WSCD2: variants seen among roughly 807,000 people sequenced by gnomAD.
The protein encoded by WSCD2 is sialate:O-sulfotransferase 2.
A neutral mutation model predicts 55.7 loss-of-function variants in WSCD2; 28 were observed. The observed-to-expected ratio is 0.50, with a 90% confidence interval of 0.37 to 0.69. The LOEUF (loss-of-function observed/expected upper bound fraction) is 0.69. Among genes scored for constraint, WSCD2 ranks in the 30% least tolerant of loss-of-function variants. WSCD2 has a pLI of 0.00. For missense variants in WSCD2, 616 were observed against 762.1 expected (o/e 0.81, Z 2.26); for synonymous variants, 301 against 301.9 (o/e 1.00, Z 0.03).
chr12:108,226,998 G>A lies in WSCD2; in HGVS notation c.813G>A (p.Pro271=), dbSNP rs760590143. 4.0e-5 allele frequency: 64 copies of A among 1,613,196 alleles called. No individual in the cohort carries two copies. The highest frequency in any genetic ancestry group is 5.2e-5 in the Non-Finnish European group (61 of 1,179,702). Residue 271 remains proline (P), a synonymous_variant, in exon 6 of 9, where the codon CCG becomes CCA. Transcript: ENST00000547525. ...CVDFCTEKEY[P]LAALAGTACH... ...TCCCACTCCATCCCCAGGAGTACCC[G>A]CTGGCAGCTCTTGCAGGCACCGCCT...
chr12:108,196,816 C>A (rs2137052035), intron 2 of WSCD2: 1 of 152,540 alleles, frequency 6.6e-6, no homozygotes, highest in African/African-American at 2.4e-5. Flanking sequence ...CATTTATAAT[C>A]TAAAAAGGCT....
intron 5 of WSCD2, among the ~76,000 whole-genome samples, chr12:108,226,266 G>A (rs549152829): frequency 7.9e-5 from 12 of 152,242 alleles, no homozygotes; most frequent in South Asian, 6.2e-4. Context: ...ACCCTTGCCC[G>A]CCAGATCTCA....
At chr12:108,182,659 A>G (rs1480213059) in intron 1 of WSCD2, among the ~76,000 whole-genome samples, 1 of 152,206 alleles carries the variant, frequency 6.6e-6, no homozygotes, top group Non-Finnish European at 1.5e-5. Context: ...GGAGTAGTCA[A>G]TTACGTTATT....
At chr12:108,241,855 G>A (rs372241222) in intron 8 of WSCD2, among the ~76,000 whole-genome samples, 1 of 152,202 alleles carries the variant, frequency 6.6e-6, no homozygotes, top group African/African-American at 2.4e-5. Context: ...ATTATGTGCA[G>A]TATTTTGTAT....
At chr12:108,144,482 A>G (rs527787576) in intron 1 of WSCD2, among the ~76,000 whole-genome samples, 1 of 152,288 alleles carries the variant, frequency 6.6e-6, no homozygotes, top group East Asian at 1.9e-4. Context: ...CTCTCTCTGC[A>G]GAGGCTGAGA....
chr12:108,190,488 C>T (rs1565948348), intron 1 of WSCD2, among the ~76,000 whole-genome samples: 2 of 152,094 alleles, frequency 1.3e-5, no homozygotes, highest in African/African-American at 4.8e-5. Flanking sequence ...GCCTCACAGG[C>T]TTCCATTCTG....
chr12:108,133,664 C>G (rs1216042497), intron 1 of WSCD2, among the ~76,000 whole-genome samples: 1 of 152,186 alleles, frequency 6.6e-6, no homozygotes, highest in Non-Finnish European at 1.5e-5. Context: ...GGTGCCAGCT[C>G]TGAGCAGAGT....
intron 4 of WSCD2, among the ~76,000 whole-genome samples, chr12:108,213,390 TTCTAATTCATGATCAAAAGTCCAGAG>T (rs1886459402): frequency 6.6e-6 from 1 of 152,204 alleles, no homozygotes; most frequent in African/African-American, 2.4e-5. Flanking sequence ...CAGCCATGTG[TTCTAATTCATGATCAAAAGTCCAGAG>T]TCAGCAAAGG....
intron 1 of WSCD2, among the ~76,000 whole-genome samples, chr12:108,147,040 C>T (rs1877466329): frequency 6.6e-6 from 1 of 152,132 alleles, no homozygotes; most frequent in South Asian, 2.1e-4. Context: ...TGAGAGTGAC[C>T]AACTGGTTGC....
At chr12:108,184,804 G>A (rs374401657) in intron 1 of WSCD2, among the ~76,000 whole-genome samples, 9 of 152,332 alleles carry the variant, frequency 5.9e-5, no homozygotes, top group African/African-American at 2.2e-4. Flanking sequence ...ATTTTATATG[G>A]ACAGAGGTTA....
In WSCD2 at chr12:108,240,423, C is replaced by A. The variant is rs1292367195; in HGVS notation, c.1224C>A (p.Ile408=). ...IKTHESGQKE[I]EAFDAAILLI... is the part of the protein sequence containing the mutation. ...CGCACGAAAGCGGCCAGAAAGAGATCGAGGCCTTCGACGCCGCCATCCTGC... is the reference window on the plus strand; with the variant it reads ...CGCACGAAAGCGGCCAGAAAGAGATAGAGGCCTTCGACGCCGCCATCCTGC... Residue 408 remains isoleucine (I), a synonymous_variant, in exon 8 of 9, where the codon ATC becomes ATA. Coordinates refer to ENST00000547525, the MANE Select transcript of WSCD2 (RefSeq NM_014653.4). 1.2e-6 allele frequency: 2 copies of A among 1,614,024 alleles called. No homozygotes were observed. Among genetic ancestry groups the A allele is most frequent in the Non-Finnish European group, 1.7e-6 (2 of 1,180,048 alleles).
At chr12:108,134,187 CGCCAGT>C (rs1438701239) in intron 1 of WSCD2, among the ~76,000 whole-genome samples, 5 of 152,116 alleles carry the variant, frequency 3.3e-5, no homozygotes, top group African/African-American at 1.2e-4. Context: ...TTTCAAGGTC[CGCCAGT>C]GCCTGGTTAT....
intron 1 of WSCD2, among the ~76,000 whole-genome samples, chr12:108,166,745 C>CTCCT (rs1879649006): frequency 2.0e-5 from 1 of 49,460 alleles, no homozygotes; most frequent in South Asian, 9.0e-4. Context: ...TCTTTCTTTC[C>CTCCT]TTCTTTCTTT....
intron 4 of WSCD2, among the ~76,000 whole-genome samples, chr12:108,211,340 T>C (rs930267870): frequency 1.3e-5 from 2 of 152,178 alleles, no homozygotes; most frequent in African/African-American, 2.4e-5. Context: ...TTTGCATGTG[T>C]CTGAGAGTTC....
intron 1 of WSCD2, among the ~76,000 whole-genome samples, chr12:108,168,323 G>A (rs1220785816): frequency 6.6e-6 from 1 of 152,160 alleles, no homozygotes; most frequent in Admixed American, 6.5e-5. Flanking sequence ...CCACTTTTCA[G>A]CTAGAAACCT....
At chr12:108,245,406 C>A (rs1409516925) in intron 8 of WSCD2, among the ~76,000 whole-genome samples, 2 of 152,178 alleles carry the variant, frequency 1.3e-5, no homozygotes, top group Non-Finnish European at 2.9e-5. Flanking sequence ...CCTTCCTGCC[C>A]CTCAGACAGA....
chr12:108,233,853 G>C (rs1238079833), intron 7 of WSCD2, among the ~76,000 whole-genome samples: 1 of 152,248 alleles, frequency 6.6e-6, no homozygotes, highest in Admixed American at 6.5e-5. Flanking sequence ...GCCTCCTCCT[G>C]TGGGAGACTT....
chr12:108,169,106 G>A (rs192444081), intron 1 of WSCD2, among the ~76,000 whole-genome samples: 5 of 152,258 alleles, frequency 3.3e-5, no homozygotes, highest in Non-Finnish European at 5.9e-5. Flanking sequence ...GGTTGCACAC[G>A]CCTTATGAGA....
chr12:108,192,725 T>G (rs1467169422), intron 1 of WSCD2, among the ~76,000 whole-genome samples: 3 of 152,124 alleles, frequency 2.0e-5, no homozygotes, highest in Non-Finnish European at 4.4e-5. Context: ...TGGGCTAACC[T>G]TCTGTTGCTC....
Sources: allele counts gnomAD v4.1 joint callset (sites outside exome capture counted in the v4.1 genomes callset), GRCh38; gene constraint gnomAD v4.1.1; transcripts MANE v1.5; gene names NCBI Gene and HGNC (gene_info 2026-07-23, HGNC 2026-07-21).